Variants in PLEKHH1 observed in about 807,000 individuals in gnomAD.
PLEKHH1 encodes the protein pleckstrin homology domain-containing family H member 1.
A neutral mutation model predicts 160.0 loss-of-function variants in PLEKHH1; 104 were observed. That is an observed-to-expected ratio of 0.65 (90% CI 0.55 to 0.76). The LOEUF (loss-of-function observed/expected upper bound fraction) is 0.76. Among genes scored for constraint, PLEKHH1 ranks in the 30% least tolerant of loss-of-function variants. PLEKHH1 has a pLI of 0.00. For synonymous variants in PLEKHH1, 619 were observed against 678.4 expected (o/e 0.91, Z 1.36); for missense variants, 1,427 against 1,724.1 (o/e 0.83, Z 3.05).
chr14:67,534,756 G>C (rs1396837641), intron 1 of PLEKHH1, among the ~76,000 whole-genome samples: 1 of 151,870 alleles, frequency 6.6e-6, no homozygotes, highest in African/African-American at 2.4e-5. Context: ...GTCACCAGCT[G>C]TAGGGGAGAG....
rs1408451030 is a variant in PLEKHH1 at position 67,574,150 on chromosome 14, T to A, written c.1927-92T>A. ...TAGGGCAGGCAGAAGGCCAGCCCCT[T>A]GGGTTCAGGGACAGGTGCCACCTCG... is the stretch of plus-strand genomic sequence containing the variant. On this transcript the variant is annotated intron_variant, in intron 13 of 28. Coordinates refer to ENST00000329153, the MANE Select transcript of PLEKHH1 (RefSeq NM_020715.3). The surrounding 1 kb of genome is among the most constrained non-coding windows in gnomAD (Gnocchi z 4.2). The A allele has an allele frequency of 8.5e-7, 1 of 1,178,990 alleles. No homozygotes were observed. The highest frequency in any genetic ancestry group is 1.5e-5 in the African/African-American group (1 of 64,552). The allele number at this position is 1,178,990 out of a possible 1,614,324, so 73.0% of individuals were successfully genotyped here. A position where few individuals can be genotyped will look rare whatever the true frequency, so the allele number is the denominator to read the frequency against.
At chr14:67,542,056 T>C in intron 2 of PLEKHH1, 63 bp downstream of exon 2, 1 of 1,439,140 alleles carries the variant, frequency 6.9e-7, no homozygotes, top group African/African-American at 1.4e-5. Context: ...GGGAGGGCCG[T>C]GTGAGAGAGG....
chr14:67,584,020 A>T lies in PLEKHH1; in HGVS notation c.3595A>T (p.Lys1199Ter). Reference sequence around the variant, plus strand: ...GCACCTGGCAGATATGTTGACCACAAAATGGGCAACATTGCAAGGATGCTC... The same window carrying T: ...GCACCTGGCAGATATGTTGACCACATAATGGGCAACATTGCAAGGATGCTC... ...LRHLADMLTT[K>*]WATLQGCSPP... Residue 1199 changes from lysine (K) to a stop codon, truncating the protein, a stop_gained, in exon 26 of 29, where the codon AAA (lysine) becomes TAA (stop). Coordinates refer to ENST00000329153, the MANE Select transcript of PLEKHH1 (RefSeq NM_020715.3). LOFTEE classifies it high-confidence loss of function. 1 of 1,613,966 alleles carries T rather than the reference A, an allele frequency of 6.2e-7. No individual in the cohort carries two copies. Among genetic ancestry groups the T allele is most frequent in the Non-Finnish European group, 8.5e-7 (1 of 1,179,874 alleles).
intron 23 of PLEKHH1, 91 bp downstream of exon 23, chr14:67,581,129 C>T (rs893424670): frequency 6.2e-5 from 50 of 802,272 alleles, no homozygotes; most frequent in South Asian, 8.7e-5. Flanking sequence ...CCTATCCAGA[C>T]GGGGGGAGGG....
chr14:67,579,559 T>C, intron 21 of PLEKHH1, 162 bp from the exon 22 acceptor site: 4 of 702,916 alleles, frequency 5.7e-6, no homozygotes, highest in Non-Finnish European at 9.4e-6. Flanking sequence ...CTCACATCCC[T>C]CATGCACTGG....
intron 2 of PLEKHH1, among the ~76,000 whole-genome samples, chr14:67,547,875 G>A (rs1193705034): frequency 2.0e-5 from 3 of 152,306 alleles, no homozygotes; most frequent in Middle Eastern, 3.4e-3. Flanking sequence ...CTCACCTAAG[G>A]GAGAGAGAGC....
chr14:67,565,519 G>A (rs1013712148), intron 7 of PLEKHH1, among the ~76,000 whole-genome samples: 3 of 152,074 alleles, frequency 2.0e-5, no homozygotes, highest in Non-Finnish European at 2.9e-5. Context: ...CACCTTACCC[G>A]GTCTGAGAGC....
intron 10 of PLEKHH1, 108 bp downstream of exon 10, chr14:67,572,010 C>CCGG: frequency 1.4e-6 from 2 of 1,480,300 alleles, no homozygotes; most frequent in Admixed American, 4.1e-5. Flanking sequence ...TCGTGACCCC[C>CCGG]CAGCAGCTCC....
Position 67,578,262 on chromosome 14 carries a change from G to A in PLEKHH1, c.2751+63G>A. On this transcript the variant is annotated intron_variant, in intron 19 of 28. Coordinates refer to ENST00000329153, the MANE Select transcript of PLEKHH1 (RefSeq NM_020715.3). This position sits in a 1 kb window ranked among gnomAD's most constrained non-coding sequence, Gnocchi z 5.0. ...TTGGCAAGGGCTGCCAGGTGGGAAA[G>A]GTGGGAGGAGGTGACTGGGCAGGTA... The A allele has an allele frequency of 2.8e-6, 4 of 1,429,746 alleles. No individual in the cohort carries two copies. Among genetic ancestry groups the A allele is most frequent in the Non-Finnish European group, 3.9e-6 (4 of 1,025,158 alleles). 88.6% of individuals were successfully genotyped at this position (1,429,746 alleles called of 1,614,324 possible).
Position 67,587,415 on chromosome 14 carries a change from T to C in PLEKHH1, c.*180T>C. The C allele has an allele frequency of 2.9e-6, 2 of 681,944 alleles. No homozygotes were observed. The highest frequency in any genetic ancestry group is 3.7e-5 in the South Asian group (2 of 54,658). 42.2% of individuals were successfully genotyped at this position (681,944 alleles called of 1,614,324 possible). A position where few individuals can be genotyped will look rare whatever the true frequency, so the allele number is the denominator to read the frequency against. On this transcript the variant is annotated 3_prime_UTR_variant, in exon 29 of 29. Transcript: ENST00000329153. ...TAGGTGCCTTATAATGTTTCAGGGC[T>C]CAACTTTTTAAAATCCAGACCCAGT...
In PLEKHH1 at chr14:67,543,947, C is replaced by G. The variant is rs148053177; in HGVS notation, c.126+1954C>G. Among the ~76,000 whole-genome samples the G allele has an allele frequency of 4.4e-3, 669 of 152,098 alleles. 18 individuals are homozygous for G. In the East Asian group the frequency reaches 0.061, roughly 14 times the overall value. Reference sequence around the variant, plus strand: ...TCAACTCTGACAGCTGATTGAGGGGCAGGTGGTGTGTGACTGGCCTCCCTA... The same window carrying G: ...TCAACTCTGACAGCTGATTGAGGGGGAGGTGGTGTGTGACTGGCCTCCCTA... On this transcript the variant is annotated intron_variant, in intron 2 of 28. Transcript: ENST00000329153.
Position 67,583,751 on chromosome 14 carries a change from G to GGGACTT in PLEKHH1, c.3441_3446dup (p.Asp1147_Leu1148dup). 6.2e-7 allele frequency: 1 copy of GGGACTT among 1,610,954 alleles called. No homozygotes were observed. Among genetic ancestry groups the GGGACTT allele is most frequent in the Non-Finnish European group, 8.5e-7 (1 of 1,178,612 alleles). On this transcript the variant is annotated inframe_insertion, in exon 25 of 29. Transcript: ENST00000329153. ...ATGCTTCTACCACAGGTAGAATATG[G>GGGACTT]GGACTTGGAGAAGCCTGCCCTGCCA...
At chr14:67,550,763 T>C (rs2034365088) in intron 2 of PLEKHH1, among the ~76,000 whole-genome samples, 1 of 152,218 alleles carries the variant, frequency 6.6e-6, no homozygotes, top group East Asian at 1.9e-4. Flanking sequence ...GATTTGGATG[T>C]GAGAGGCAGT....
At position 67,587,516 on chromosome 14, in the gene PLEKHH1, G is replaced by A; in HGVS notation, c.*281G>A. The A allele has an allele frequency of 2.2e-6, 1 of 452,604 alleles. No homozygotes were observed. The highest frequency in any genetic ancestry group is 4.1e-6 in the Non-Finnish European group (1 of 246,018). The allele number at this position is 452,604 out of a possible 1,614,324, so 28.0% of individuals were successfully genotyped here. ...CCTGATTCTAGACATAGACAGGGATGATCCACTGTTACTGAGGGCATCAGT... is the reference window on the plus strand; with the variant it reads ...CCTGATTCTAGACATAGACAGGGATAATCCACTGTTACTGAGGGCATCAGT... On this transcript the variant is annotated 3_prime_UTR_variant, in exon 29 of 29. Transcript: ENST00000329153.
Position 67,541,849 on chromosome 14 carries a change from T to C in PLEKHH1, c.-19T>C. 1.9e-6 allele frequency: 3 copies of C among 1,582,192 alleles called. No individual in the cohort carries two copies. Among genetic ancestry groups the C allele is most frequent in the East Asian group, 4.6e-5 (2 of 43,514 alleles). On this transcript the variant is annotated 5_prime_UTR_variant, in exon 2 of 29. Coordinates refer to ENST00000329153, the MANE Select transcript of PLEKHH1 (RefSeq NM_020715.3). ...TGGTTCTTAGGGCTCCCCAGAATAA[T>C]CCAGAAGTCGATTCCATCATGGCAG...
chr14:67,576,592 C>CTGT lies in PLEKHH1; in HGVS notation c.2461+89_2461+90insTGT. On this transcript the variant is annotated intron_variant, in intron 17 of 28. Coordinates refer to ENST00000329153, the MANE Select transcript of PLEKHH1 (RefSeq NM_020715.3). This position sits in a 1 kb window ranked among gnomAD's most constrained non-coding sequence, Gnocchi z 4.0. The stretch of plus-strand genomic sequence containing the variant: ...GATCCCAAAGAAAGCAGTGTTGTAC[C>CTGT]CTGAAGCTGTTTTTAAAACATCTAA... The CTGT allele has an allele frequency of 1.5e-6, 1 of 676,856 alleles. No individual in the cohort carries two copies. The allele number at this position is 676,856 out of a possible 1,614,324, so 41.9% of individuals were successfully genotyped here.
intron 2 of PLEKHH1, among the ~76,000 whole-genome samples, chr14:67,547,682 T>A (rs2034234583): frequency 6.6e-6 from 1 of 152,206 alleles, no homozygotes; most frequent in South Asian, 2.1e-4. Context: ...GGGGACCATC[T>A]CTGCTTAGGA....
chr14:67,561,904 C>A, intron 5 of PLEKHH1, 50 bp from the exon 6 acceptor site: 31 of 1,231,770 alleles, frequency 2.5e-5, no homozygotes, highest in Non-Finnish European at 3.2e-5. Flanking sequence ...AAAAATACAT[C>A]TAAACCTGTA....
At chr14:67,542,074 GC>G in intron 2 of PLEKHH1, 81 bp downstream of exon 2, 1 of 1,330,214 alleles carries the variant, frequency 7.5e-7, no homozygotes, top group Non-Finnish European at 1.0e-6. Context: ...AGGGAGAGTT[GC>G]GGAAAGTCAA....
Sources: allele counts gnomAD v4.1 joint callset (sites outside exome capture counted in the v4.1 genomes callset), GRCh38; gene constraint gnomAD v4.1.1; non-coding constraint Gnocchi (gnomAD v3.1); transcripts MANE v1.5; gene names NCBI Gene and HGNC (gene_info 2026-07-23, HGNC 2026-07-21).